Variants in IL1RAPL1 observed in about 807,000 individuals in gnomAD.
IL1RAPL1 encodes the protein interleukin 1 receptor accessory protein like 1.
In IL1RAPL1, 3 loss-of-function variants were observed where a neutral mutation model predicts 48.4. The observed-to-expected ratio is 0.06, with a 90% CI of 0.03 to 0.16. The LOEUF (loss-of-function observed/expected upper bound fraction) is 0.16. Ranked by LOEUF, IL1RAPL1 falls within the 10% of genes least tolerant of loss-of-function variation. The probability of loss-of-function intolerance (pLI) is 1.00; values close to 1 mark genes in which losing one functional copy is unlikely to be tolerated. For synonymous variants in IL1RAPL1, 185 were observed against 187.7 expected, an observed-to-expected ratio of 0.99 and a Z score of 0.12; for missense variants, 349 against 530.6, an observed-to-expected ratio of 0.66 and a Z score of 3.36.
Position 29,482,150 on chromosome X carries a change from C to G in IL1RAPL1, c.703+82842C>G, listed in dbSNP as rs1466401731. Among the ~76,000 whole-genome samples the G allele has an allele frequency of 6.3e-5, 7 of 111,837 alleles. No individual in the cohort carries two copies. The South Asian group carries it at 2.2e-3, about 36-fold the overall frequency. On this transcript the variant is annotated intron_variant, in intron 5 of 10. Coordinates refer to ENST00000378993, the MANE Select transcript of IL1RAPL1 (RefSeq NM_014271.4). ...CATGTTCCTTCTACTCATCATTAAC[C>G]ACTATGAACTTGGAATATAACCTTC...
intron 2 of IL1RAPL1, among the ~76,000 whole-genome samples, chrX:29,222,729 G>T (rs758912264): frequency 1.3e-4 from 15 of 111,285 alleles, no homozygotes; most frequent in Non-Finnish European, 2.8e-4. Flanking sequence ...AACTTATCAG[G>T]GGTGGAAGGA....
chrX:29,371,445 T>A (rs1045069377), intron 3 of IL1RAPL1, among the ~76,000 whole-genome samples: 5 of 111,662 alleles, frequency 4.5e-5, no homozygotes, highest in Non-Finnish European at 7.5e-5. Flanking sequence ...AATGTACTTT[T>A]TAAAAAACTA....
rs1355392883 is a variant in IL1RAPL1, at chrX:29,651,913, T to C, written c.704-16517T>C. ...ATACAATGTTATCTGTCAATTTAAT[T>C]TGAAAAAGAAAGAATGAGAAAAGAT... is the stretch of plus-strand genomic sequence containing the variant. On this transcript the variant is annotated intron_variant, in intron 5 of 10. Transcript: ENST00000378993. Among the ~76,000 whole-genome samples the C allele has an allele frequency of 4.5e-5, 5 of 111,697 alleles. No homozygotes were observed. The Admixed American group carries it at 4.7e-4, about 11-fold the overall frequency.
intron 2 of IL1RAPL1, among the ~76,000 whole-genome samples, chrX:28,985,814 C>T (rs1016084925): frequency 7.3e-5 from 8 of 109,888 alleles, no homozygotes; most frequent in Non-Finnish European, 1.1e-4. Context: ...CGCCCGCCAC[C>T]TCGCCCGGCT....
At chrX:28,686,723 T>A (rs1375013092) in intron 1 of IL1RAPL1, among the ~76,000 whole-genome samples, 1 of 112,093 alleles carries the variant, frequency 8.9e-6, no homozygotes, top group Non-Finnish European at 1.9e-5. Flanking sequence ...CTAATGAAAA[T>A]GGTATTATTT....
At chrX:28,941,348 T>A (rs1003381847) in intron 2 of IL1RAPL1, among the ~76,000 whole-genome samples, 3 of 111,322 alleles carry the variant, frequency 2.7e-5, no homozygotes, top group African/African-American at 3.2e-5. Flanking sequence ...CTGCAAGATA[T>A]TTACTTAAGA....
chrX:29,604,583 C>T (rs1368543960), intron 5 of IL1RAPL1, among the ~76,000 whole-genome samples: 1 of 110,944 alleles, frequency 9.0e-6, no homozygotes, highest in Non-Finnish European at 1.9e-5. Context: ...GGATTACAGA[C>T]GTGAGCCACC....
chrX:29,574,926 CAA>C (rs1922725870), intron 5 of IL1RAPL1, among the ~76,000 whole-genome samples: 1 of 112,112 alleles, frequency 8.9e-6, no homozygotes, highest in African/African-American at 3.2e-5. Context: ...TGAAGCATAA[CAA>C]GAGTGACCTT....
chrX:29,907,649 A>C (rs1030346553), intron 6 of IL1RAPL1, among the ~76,000 whole-genome samples: 2 of 111,927 alleles, frequency 1.8e-5, no homozygotes, highest in African/African-American at 6.5e-5. Flanking sequence ...TAATTGTTTT[A>C]AAATACATTT....
chrX:28,871,039 G>A (rs1033814400), intron 2 of IL1RAPL1, among the ~76,000 whole-genome samples: 5 of 111,683 alleles, frequency 4.5e-5, no homozygotes, highest in African/African-American at 1.6e-4. Context: ...ATATTAATTT[G>A]TGGCTTAATT....
chrX:29,289,942 A>G (rs1932345655), intron 3 of IL1RAPL1, among the ~76,000 whole-genome samples: 1 of 111,785 alleles, frequency 8.9e-6, no homozygotes, highest in African/African-American at 3.2e-5. Context: ...CATATCTATA[A>G]TGTGTTATAT....
intron 2 of IL1RAPL1, among the ~76,000 whole-genome samples, chrX:29,219,652 T>G (rs773078957): frequency 1.8e-5 from 2 of 111,455 alleles, no homozygotes; most frequent in South Asian, 7.6e-4. Flanking sequence ...TCCTCCAAAT[T>G]GCTGCTGGGG....
At chrX:29,444,159 T>C (rs1464424156) in intron 5 of IL1RAPL1, among the ~76,000 whole-genome samples, 1 of 109,282 alleles carries the variant, frequency 9.2e-6, no homozygotes, top group Admixed American at 9.8e-5. Flanking sequence ...CTGGCCAATA[T>C]GGTGAAACTC....
intron 6 of IL1RAPL1, among the ~76,000 whole-genome samples, chrX:29,865,771 G>A (rs1931680376): frequency 9.5e-6 from 1 of 104,816 alleles, no homozygotes; most frequent in African/African-American, 3.5e-5. Context: ...TGAGTGGCTG[G>A]GATTACAGGT....
intron 1 of IL1RAPL1, among the ~76,000 whole-genome samples, chrX:28,788,624 G>A (rs949578005): frequency 1.8e-4 from 16 of 88,960 alleles, no homozygotes; most frequent in Non-Finnish European, 2.6e-4. Context: ...ACTCCACCAC[G>A]CCCAGCTATT....
At chrX:29,383,214 A>G (rs187633801) in intron 3 of IL1RAPL1, among the ~76,000 whole-genome samples, 1 of 112,052 alleles carries the variant, frequency 8.9e-6, no homozygotes, top group Admixed American at 9.5e-5. Flanking sequence ...ATACATTCAC[A>G]CCAGGATGCT....
At chrX:29,948,639 A>G (rs1373510177) in intron 9 of IL1RAPL1, among the ~76,000 whole-genome samples, 1 of 110,900 alleles carries the variant, frequency 9.0e-6, no homozygotes, top group Non-Finnish European at 1.9e-5. Context: ...ATCAATGCAA[A>G]TTTTTAATTA....
At chrX:29,303,479 T>G (rs1277876594) in intron 3 of IL1RAPL1, among the ~76,000 whole-genome samples, 1 of 111,724 alleles carries the variant, frequency 9.0e-6, no homozygotes, top group Non-Finnish European at 1.9e-5. Flanking sequence ...TTTAGAAAAG[T>G]ATTATAATAC....
chrX:29,206,818 A>G (rs776313911), intron 2 of IL1RAPL1, among the ~76,000 whole-genome samples: 1 of 112,135 alleles, frequency 8.9e-6, no homozygotes, highest in African/African-American at 3.2e-5. Context: ...GGAAGGGATA[A>G]TTATTGAAAA....
Sources: gnomAD v4.1 joint callset for allele counts (sites outside exome capture counted in the v4.1 genomes callset) on GRCh38, gnomAD v4.1.1 for gene constraint, MANE v1.5 for transcripts, NCBI Gene and HGNC (gene_info 2026-07-23, HGNC 2026-07-21) for gene names.